Variants in AOPEP observed in about 807,000 individuals in gnomAD.
AOPEP encodes aminopeptidase O.
AOPEP carries 77 observed loss-of-function variants against 98.1 expected under a neutral mutation model. The ratio of observed to expected loss-of-function variants is 0.78; its 90% confidence interval spans 0.65 to 0.95. The LOEUF (loss-of-function observed/expected upper bound fraction) is 0.95, where lower values mean the gene tolerates loss of function less well. Among genes scored for constraint, AOPEP ranks in the 40% least tolerant of loss-of-function variants. The probability of loss-of-function intolerance (pLI) is 0.00; values close to 1 mark genes in which losing one functional copy is unlikely to be tolerated. For missense variants in AOPEP, 1,024 were observed against 1,024.7 expected, an observed-to-expected ratio of 1.00 and a Z score of 0.01; for synonymous variants, 346 against 365.3, an observed-to-expected ratio of 0.95 and a Z score of 0.60.
intron 15 of AOPEP, among the ~76,000 whole-genome samples, chr9:95,082,273 C>T (rs2069894788): frequency 6.6e-6 from 1 of 152,166 alleles, no homozygotes; most frequent in Admixed American, 6.5e-5. Context: ...TCAGAGCGTT[C>T]CTGACACGGC....
At chr9:94,753,319 G>A (rs1034142849) in intron 1 of AOPEP, among the ~76,000 whole-genome samples, 5 of 152,176 alleles carry the variant, frequency 3.3e-5, no homozygotes, top group Non-Finnish European at 5.9e-5. Context: ...AAAAAAGTTG[G>A]ATGGAGTTTT....
chr9:94,900,302 C>G (rs1314352888), intron 5 of AOPEP: 1 of 152,200 alleles, frequency 6.6e-6, no homozygotes, highest in Non-Finnish European at 1.5e-5. Flanking sequence ...TCAATGGCAC[C>G]AAGGTGATTG....
At position 94,759,753 on chromosome 9, in the gene AOPEP, T is replaced by C; in HGVS notation, c.-31T>C. On this transcript the variant is annotated 5_prime_UTR_variant, in exon 2 of 17. Transcript: ENST00000375315. The stretch of plus-strand genomic sequence containing the variant: ...CAGATAGGAAACCCCATCTGAGATT[T>C]TAATAAATCCCTCAAACAATAAACC... 1.3e-6 allele frequency: 2 copies of C among 1,559,688 alleles called. No individual in the cohort carries two copies. The highest frequency in any genetic ancestry group is 1.7e-6 in the Non-Finnish European group (2 of 1,148,968).
intron 10 of AOPEP, among the ~76,000 whole-genome samples, chr9:94,978,531 G>A (rs751695323): frequency 5.9e-5 from 9 of 152,140 alleles, no homozygotes; most frequent in Non-Finnish European, 8.8e-5. Flanking sequence ...AGAACAGGGC[G>A]TGTGACAGAT....
At chr9:95,100,643 T>C in the AOPEP span, 1 of 229,640 alleles carries the variant, frequency 4.4e-6, no homozygotes, top group African/African-American at 2.2e-5. Flanking sequence ...AACAATGCCT[T>C]TTTTTAAGAG....
At chr9:94,979,475 C>G in intron 11 of AOPEP, 48 bp downstream of exon 11, 1 of 1,203,854 alleles carries the variant, frequency 8.3e-7, no homozygotes, top group Non-Finnish European at 1.2e-6. Flanking sequence ...AGTAGTAAAG[C>G]TTGCTGCTTA....
chr9:94,942,904 C>CA (rs35186299), intron 7 of AOPEP, among the ~76,000 whole-genome samples: 3,255 of 82,224 alleles, frequency 0.04, 150 homozygotes, highest in African/African-American at 0.098. Context: ...GAGTCTGTCT[C>CA]AAAAAAAAAA....
At chr9:95,078,854 C>T (rs534382920) in intron 14 of AOPEP, among the ~76,000 whole-genome samples, 4 of 152,340 alleles carry the variant, frequency 2.6e-5, no homozygotes, top group East Asian at 1.9e-4. Flanking sequence ...CACAGCTGGG[C>T]GCAGTTTCTT....
chr9:94,915,325 C>T (rs1280442391), intron 5 of AOPEP, among the ~76,000 whole-genome samples: 1 of 152,176 alleles, frequency 6.6e-6, no homozygotes, highest in East Asian at 1.9e-4. Context: ...ACCGCTCCTG[C>T]CACCACGCAG....
At chr9:95,030,390 TATGTACATTTC>T (rs1402838035) in intron 13 of AOPEP, among the ~76,000 whole-genome samples, 1 of 152,214 alleles carries the variant, frequency 6.6e-6, no homozygotes, top group African/African-American at 2.4e-5. Context: ...AAAGATCTGT[TATGTACATTTC>T]ATAAAAAGCA....
intron 1 of AOPEP, among the ~76,000 whole-genome samples, chr9:94,756,851 C>G (rs923616670): frequency 6.6e-6 from 1 of 152,092 alleles, no homozygotes; most frequent in African/African-American, 2.4e-5. Flanking sequence ...GGCTACCCCC[C>G]GTTCTGGAAG....
intron 5 of AOPEP, among the ~76,000 whole-genome samples, chr9:94,829,184 A>G (rs1025843552): frequency 2.6e-5 from 4 of 152,050 alleles, no homozygotes; most frequent in Admixed American, 2.6e-4. Flanking sequence ...GTTTCAAGAT[A>G]TAAACCAGTT....
chr9:94,847,640 A>G (rs934578014), intron 5 of AOPEP, among the ~76,000 whole-genome samples: 2 of 152,234 alleles, frequency 1.3e-5, no homozygotes. Context: ...CTTTAATAAG[A>G]TGAATCATTA....
rs371993917 is a variant in AOPEP, at chr9:94,953,088, G to C, written c.1662-2089G>C. Among the ~76,000 whole-genome samples the C allele has an allele frequency of 7.2e-5, 11 of 152,272 alleles. 1 individual carries two copies. The highest frequency in any genetic ancestry group is 2.6e-4 in the African/African-American group (11 of 41,542). On this transcript the variant is annotated intron_variant, in intron 7 of 16. Transcript: ENST00000375315. ...CGCACGGCAACTCTGCCTGTCTTAG[G>C]GCTGGGCAACCTAGTTTGAGTTCAG...
chr9:94,988,450 A>G (rs1391433476), intron 11 of AOPEP, among the ~76,000 whole-genome samples: 1 of 152,222 alleles, frequency 6.6e-6, no homozygotes, highest in Non-Finnish European at 1.5e-5. Flanking sequence ...TTTCCTGTAA[A>G]AAGAATAAGA....
intron 13 of AOPEP, among the ~76,000 whole-genome samples, chr9:95,026,287 T>G (rs1010239068): frequency 3.9e-5 from 6 of 152,154 alleles, no homozygotes; most frequent in African/African-American, 1.4e-4. Context: ...ATCACCACAA[T>G]CTAGTTTTAA....
At chr9:94,742,662 T>TG (rs1297029455) in intron 1 of AOPEP, among the ~76,000 whole-genome samples, 1 of 152,110 alleles carries the variant, frequency 6.6e-6, no homozygotes, top group Non-Finnish European at 1.5e-5. Context: ...CTTGATCTCC[T>TG]GACCACGTGA....
rs918230873 is a variant in AOPEP, at chr9:95,087,146, A to AT, written c.*479dup. ...GATATATTATTAATAAATGTAATGG[A>AT]TTTTTTTTTTGTATACGTGTTTGCT... On this transcript the variant is annotated 3_prime_UTR_variant, in exon 17 of 17. Transcript: ENST00000375315. The AT allele has an allele frequency of 7.8e-4, 126 of 160,802 alleles. No individual in the cohort carries two copies. Among genetic ancestry groups the AT allele is most frequent in the South Asian group, 1.4e-3 (7 of 4,960 alleles). 10.0% of individuals were successfully genotyped at this position (160,802 alleles called of 1,614,324 possible). A position where few individuals can be genotyped will look rare whatever the true frequency, so the allele number is the denominator to read the frequency against.
At chr9:95,101,200 G>A in the AOPEP span, 1 of 254,960 alleles carries the variant, frequency 3.9e-6, no homozygotes, top group African/African-American at 2.2e-5. Flanking sequence ...GAAGCCTGAG[G>A]GACCCTGACT....
Sources: gnomAD v4.1 joint callset for allele counts (sites outside exome capture counted in the v4.1 genomes callset) on GRCh38, gnomAD v4.1.1 for gene constraint, MANE v1.5 for transcripts, NCBI Gene and HGNC (gene_info 2026-07-23, HGNC 2026-07-21) for gene names.